BCAS3: variants seen among roughly 807,000 people sequenced by gnomAD.
BCAS3 encodes the protein BCAS4/BCAS3 fusion.
BCAS3 carries 53 observed loss-of-function variants against 116.1 expected under a neutral mutation model. That is an observed-to-expected ratio of 0.46 (90% CI 0.37 to 0.57). The LOEUF (loss-of-function observed/expected upper bound fraction) is 0.57. Among genes scored for constraint, BCAS3 ranks in the 20% least tolerant of loss-of-function variants. BCAS3 has a pLI of 0.00. For synonymous variants in BCAS3, 391 were observed against 408.2 expected (o/e 0.96, Z 0.51); for missense variants, 917 against 1,165.4 (o/e 0.79, Z 3.10).
At chr17:61,148,497 T>C (rs2077367507) in intron 22 of BCAS3, among the ~76,000 whole-genome samples, 1 of 152,216 alleles carries the variant, frequency 6.6e-6, no homozygotes, top group African/African-American at 2.4e-5. Flanking sequence ...TTTCATTCCA[T>C]GTTGCCAACT....
intron 14 of BCAS3, among the ~76,000 whole-genome samples, chr17:60,968,764 A>G (rs1878169409): frequency 6.6e-6 from 1 of 151,892 alleles, no homozygotes; most frequent in Non-Finnish European, 1.5e-5. Context: ...CAGCCACTCT[A>G]ATTTGGTGTC....
At chr17:61,005,866 A>G (rs1288164138) in intron 15 of BCAS3, among the ~76,000 whole-genome samples, 1 of 149,438 alleles carries the variant, frequency 6.7e-6, no homozygotes, top group Non-Finnish European at 1.5e-5. Flanking sequence ...TTACATATGT[A>G]TACATGTGCC....
chr17:60,981,156 A>T (rs1012208232), intron 14 of BCAS3, among the ~76,000 whole-genome samples: 4 of 152,156 alleles, frequency 2.6e-5, no homozygotes, highest in Non-Finnish European at 5.9e-5. Context: ...TTGTACATGC[A>T]AAGTTTTTAA....
rs1019574882 is a variant in BCAS3, at chr17:61,134,897, T to G, written c.2425+50333T>G. Reference sequence around the variant, plus strand: ...CTTTTCTCTTAGATTGTTGTTTTGTTTTTTTTTGAAATAAAACATTTGTAC... The same window carrying G: ...CTTTTCTCTTAGATTGTTGTTTTGTGTTTTTTTGAAATAAAACATTTGTAC... On this transcript the variant is annotated intron_variant, in intron 22 of 23. Transcript: ENST00000407086. This position sits in a 1 kb window ranked among gnomAD's most constrained non-coding sequence, Gnocchi z 4.6. Among the ~76,000 whole-genome samples the G allele has an allele frequency of 1.8e-4, 28 of 152,184 alleles. No individual in the cohort carries two copies. Among genetic ancestry groups the G allele is most frequent in the African/African-American group, 6.7e-4 (28 of 41,534 alleles).
Position 60,889,779 on chromosome 17 carries a change from G to C in BCAS3, c.738+8G>C, listed in dbSNP as rs770246821. On this transcript the variant is annotated splice_region_variant and intron_variant, in intron 10 of 23. Transcript: ENST00000407086. ...GCTTATGCAGAAAACAAGGTAAGAC[G>C]TGGCCTGTGTTTGGATTATTTGTAA... 6.2e-7 allele frequency: 1 copy of C among 1,607,182 alleles called. No individual in the cohort carries two copies. Among genetic ancestry groups the C allele is most frequent in the South Asian group, 1.1e-5 (1 of 90,842 alleles).
intron 22 of BCAS3, among the ~76,000 whole-genome samples, chr17:61,117,512 C>A (rs1002202014): frequency 3.9e-5 from 6 of 152,140 alleles, no homozygotes; most frequent in African/African-American, 1.4e-4. Flanking sequence ...AGGAGAATTG[C>A]TTGAGCCCAG....
chr17:61,172,987 C>CAAATAAATAAATAAATAAAT lies in BCAS3; in HGVS notation c.2425+88425_2425+88444dup, dbSNP rs56769937. 4.0e-5 allele frequency among the ~76,000 whole-genome samples: 6 copies of CAAATAAATAAATAAATAAAT among 149,610 alleles called. 1 individual carries two copies. The East Asian group carries it at 6.0e-4, about 15-fold the overall frequency. On this transcript the variant is annotated intron_variant, in intron 22 of 23. Coordinates refer to ENST00000407086, the MANE Select transcript of BCAS3 (RefSeq NM_017679.5). ...TGGGCGACAGAGCAAGATTCCATCTCAAATAAATAAATAAATAAATAGGAT... is the reference window on the plus strand; with the variant it reads ...TGGGCGACAGAGCAAGATTCCATCTCAAATAAATAAATAAATAAATAAATAAATAAATAAATAAATAGGAT...
intron 22 of BCAS3, among the ~76,000 whole-genome samples, chr17:61,236,355 T>C (rs532356153): frequency 6.6e-6 from 1 of 152,366 alleles, no homozygotes; most frequent in East Asian, 1.9e-4. Flanking sequence ...AGTCTCGCTC[T>C]GTCACCCAGG....
At chr17:61,179,877 T>C (rs1271179945) in intron 22 of BCAS3, among the ~76,000 whole-genome samples, 1 of 149,270 alleles carries the variant, frequency 6.7e-6, no homozygotes, top group African/African-American at 2.5e-5. Flanking sequence ...TCTCTCTCTT[T>C]TTTTTTTTTT....
intron 7 of BCAS3, chr17:60,810,786 G>A: frequency 1.5e-6 from 1 of 661,430 alleles, no homozygotes; most frequent in Non-Finnish European, 2.8e-6. Context: ...AGGCTCTCAA[G>A]GAGGAGCTGC....
intron 7 of BCAS3, among the ~76,000 whole-genome samples, chr17:60,863,780 A>G (rs1203896698): frequency 6.6e-6 from 1 of 152,164 alleles, no homozygotes; most frequent in Non-Finnish European, 1.5e-5. Flanking sequence ...ACTATACTAT[A>G]GTCTCTTAAG....
rs757872866 is a variant in BCAS3, at chr17:61,214,406, TG to T, written c.2425+129845del. The stretch of plus-strand genomic sequence containing the variant: ...AAATAAATAAATAAATATTTTAGGC[TG>T]GGCGCAGTGGCTCATGCCTGTAATC... On this transcript the variant is annotated intron_variant, in intron 22 of 23. Coordinates refer to ENST00000407086, the MANE Select transcript of BCAS3 (RefSeq NM_017679.5). The surrounding 1 kb of genome is among the most constrained non-coding windows in gnomAD (Gnocchi z 4.4). Among the ~76,000 whole-genome samples the T allele has an allele frequency of 1.4e-5, 2 of 147,256 alleles. No individual in the cohort carries two copies. The highest frequency in any genetic ancestry group is 2.9e-5 in the Non-Finnish European group (2 of 67,834).
rs2051091674 is a variant in BCAS3, at chr17:61,279,848, C to CT, written c.2426-88478dup. ...TGGCTGCTGCAGGCTGATTGGATGA[C>CT]TGTGGCAGTACCAGCTTTGCTAAAT... is the stretch of plus-strand genomic sequence containing the variant. On this transcript the variant is annotated intron_variant, in intron 22 of 23. Coordinates refer to ENST00000407086, the MANE Select transcript of BCAS3 (RefSeq NM_017679.5). The surrounding 1 kb of genome is among the most constrained non-coding windows in gnomAD (Gnocchi z 4.4). 1.3e-5 allele frequency among the ~76,000 whole-genome samples: 2 copies of CT among 151,500 alleles called. No homozygotes were observed. The highest frequency in any genetic ancestry group is 1.3e-4 in the Admixed American group (2 of 15,210).
chr17:60,950,734 T>C (rs982172256), intron 14 of BCAS3, among the ~76,000 whole-genome samples: 2 of 152,250 alleles, frequency 1.3e-5, no homozygotes, highest in East Asian at 3.8e-4. Context: ...AGTCAACAGA[T>C]CTGCAGAGCG....
intron 13 of BCAS3, among the ~76,000 whole-genome samples, chr17:60,942,866 G>C (rs73993553): frequency 0.28 from 43,248 of 151,920 alleles, 9,636 homozygotes; most frequent in African/African-American, 0.63. Flanking sequence ...GGTAAACGTA[G>C]AAACCATCCT....
intron 7 of BCAS3, among the ~76,000 whole-genome samples, chr17:60,820,776 G>A (rs1212921235): frequency 6.6e-6 from 1 of 152,088 alleles, no homozygotes; most frequent in African/African-American, 2.4e-5. Flanking sequence ...CAAAGACCAG[G>A]GAGTAACACT....
chr17:60,929,999 G>T (rs973856215), intron 13 of BCAS3, among the ~76,000 whole-genome samples: 2 of 151,926 alleles, frequency 1.3e-5, no homozygotes, highest in African/African-American at 4.8e-5. Flanking sequence ...TTCCAAGTCT[G>T]TGCTATTGTG....
At chr17:61,304,747 C>T (rs2053709372) in intron 22 of BCAS3, among the ~76,000 whole-genome samples, 1 of 151,852 alleles carries the variant, frequency 6.6e-6, no homozygotes, top group African/African-American at 2.4e-5. Flanking sequence ...TTCTATTTTC[C>T]TTCCCAATCC....
intron 19 of BCAS3, among the ~76,000 whole-genome samples, chr17:61,069,481 G>C (rs2071082147): frequency 6.6e-6 from 1 of 152,124 alleles, no homozygotes; most frequent in Non-Finnish European, 1.5e-5. Flanking sequence ...AGCTGCTTTT[G>C]TTTTGGGACT....
Sources: allele counts gnomAD v4.1 joint callset (sites outside exome capture counted in the v4.1 genomes callset), GRCh38; gene constraint gnomAD v4.1.1; non-coding constraint Gnocchi (gnomAD v3.1); transcripts MANE v1.5; gene names NCBI Gene and HGNC (gene_info 2026-07-23, HGNC 2026-07-21).